Variants in GOLM1 observed in about 807,000 individuals in gnomAD.
GOLM1 encodes the protein golgi membrane protein 1.
A neutral mutation model predicts 50.5 loss-of-function variants in GOLM1; 31 were observed. The ratio of observed to expected loss-of-function variants is 0.61; its 90% confidence interval spans 0.46 to 0.83. GOLM1 has a LOEUF of 0.83. Ranked by LOEUF, GOLM1 falls within the 40% of genes least tolerant of loss-of-function variation. GOLM1 has a pLI of 0.00. For synonymous variants in GOLM1, 178 were observed against 192.8 expected, an observed-to-expected ratio of 0.92 and a Z score of 0.64; for missense variants, 491 against 501.3, an observed-to-expected ratio of 0.98 and a Z score of 0.20.
intron 3 of GOLM1, among the ~76,000 whole-genome samples, chr9:86,066,511 C>T (rs1018598126): frequency 6.6e-6 from 1 of 152,156 alleles, no homozygotes; most frequent in African/African-American, 2.4e-5. Context: ...TCAGTTGCTC[C>T]CCTTCAGGAA....
chr9:86,091,603 G>C (rs1165181048), intron 1 of GOLM1, among the ~76,000 whole-genome samples: 1 of 152,142 alleles, frequency 6.6e-6, no homozygotes, highest in Non-Finnish European at 1.5e-5. Context: ...TTGTCGCCCA[G>C]GCTGGAGTGC....
At chr9:86,082,405 G>T (rs1445192318) in intron 1 of GOLM1, among the ~76,000 whole-genome samples, 1 of 150,456 alleles carries the variant, frequency 6.6e-6, no homozygotes, top group African/African-American at 2.4e-5. Context: ...TTGAGACAGG[G>T]TCTCACTCTG....
At chr9:86,096,171 C>T (rs4612449) in intron 1 of GOLM1, among the ~76,000 whole-genome samples, 63,686 of 148,390 alleles carry the variant, frequency 0.43, 15,568 homozygotes, top group Non-Finnish European at 0.57. Context: ...GATAACTGCT[C>T]GATAGGTTTT....
At chr9:86,031,793 CAAAT>C (rs1381335863) in intron 9 of GOLM1, among the ~76,000 whole-genome samples, 1 of 151,690 alleles carries the variant, frequency 6.6e-6, no homozygotes, top group African/African-American at 2.4e-5. Context: ...TTCCAATTAA[CAAAT>C]AACATAAAAA....
At chr9:86,095,623 T>C (rs1296698578) in intron 1 of GOLM1, among the ~76,000 whole-genome samples, 1 of 152,170 alleles carries the variant, frequency 6.6e-6, no homozygotes, top group Non-Finnish European at 1.5e-5. Context: ...AGGGCTGAGA[T>C]AAATTCTCCA....
At chr9:86,084,001 G>A (rs1834872247) in intron 1 of GOLM1, among the ~76,000 whole-genome samples, 1 of 151,984 alleles carries the variant, frequency 6.6e-6, no homozygotes, top group Non-Finnish European at 1.5e-5. Flanking sequence ...GATCCTCCTG[G>A]GGCTGTCACA....
intron 3 of GOLM1, among the ~76,000 whole-genome samples, chr9:86,065,322 A>T (rs1834277494): frequency 6.6e-6 from 1 of 152,226 alleles, no homozygotes. Flanking sequence ...AGAACAGAAC[A>T]AATACTGAAC....
intron 8 of GOLM1, 44 bp from the exon 9 acceptor site, chr9:86,033,439 T>A (rs904115220): frequency 2.5e-6 from 3 of 1,196,016 alleles, no homozygotes; most frequent in Admixed American, 3.5e-5. Context: ...CATTTCTGTC[T>A]TGATGTCACA....
At chr9:86,043,788 G>A (rs911213645) in intron 5 of GOLM1, among the ~76,000 whole-genome samples, 4 of 152,106 alleles carry the variant, frequency 2.6e-5, no homozygotes, top group African/African-American at 7.2e-5. Context: ...CCATCGCCTC[G>A]GCCCAAGCTT....
intron 3 of GOLM1, among the ~76,000 whole-genome samples, chr9:86,076,991 A>T (rs1303507268): frequency 6.6e-6 from 1 of 152,072 alleles, no homozygotes; most frequent in East Asian, 1.9e-4. Flanking sequence ...CTCTGTTAGT[A>T]TTTAGTAGAG....
chr9:86,033,384 G>T lies in GOLM1; in HGVS notation c.1027C>A (p.Gln343Lys). The change falls in exon 9 of 10, where the codon CAG becomes AAG. Residue 343 changes from glutamine (Q) to lysine (K), a missense_variant. Gln to Lys is a moderately conservative substitution (Grantham distance 53). Transcript: ENST00000388712. Reference sequence around the variant, plus strand: ...TAGTCATCTTCTCCTCTCAGTTTCTGCTGGTTTCTCCCTGTAAAATTAGCA... The same window carrying T: ...TAGTCATCTTCTCCTCTCAGTTTCTTCTGGTTTCTCCCTGTAAAATTAGCA... ...QEAAGEGRNQ[Q>K]KLRGEDDYNM... 1 of 1,602,844 alleles carries T rather than the reference G, an allele frequency of 6.2e-7. No homozygotes were observed. Among genetic ancestry groups the T allele is most frequent in the Non-Finnish European group, 8.5e-7 (1 of 1,169,786 alleles).
In GOLM1 at chr9:86,029,043, G is replaced by T. The variant is rs1029547148; in HGVS notation, c.1130-1150C>A. ...TCTTTTTGTTGTTGTAGTTTTAGTAGAGGCGGGTTTTCACCCTGTTAGCCA... is the reference window on the plus strand; with the variant it reads ...TCTTTTTGTTGTTGTAGTTTTAGTATAGGCGGGTTTTCACCCTGTTAGCCA... On this transcript the variant is annotated intron_variant, in intron 9 of 9. Coordinates refer to ENST00000388712, the MANE Select transcript of GOLM1 (RefSeq NM_016548.4). Among the ~76,000 whole-genome samples the T allele has an allele frequency of 2.0e-5, 3 of 151,974 alleles. No homozygotes were observed. The East Asian group carries it at 5.8e-4, about 30-fold the overall frequency.
intron 1 of GOLM1, among the ~76,000 whole-genome samples, chr9:86,090,078 C>G (rs1835127131): frequency 6.6e-6 from 1 of 152,132 alleles, no homozygotes; most frequent in African/African-American, 2.4e-5. Flanking sequence ...GTGGAGGCAT[C>G]AGAAAAGCAA....
intron 8 of GOLM1, 44 bp from the exon 9 acceptor site, chr9:86,033,439 T>C: frequency 8.4e-7 from 1 of 1,196,018 alleles, no homozygotes; most frequent in Non-Finnish European, 1.2e-6. Flanking sequence ...CATTTCTGTC[T>C]TGATGTCACA....
intron 2 of GOLM1, among the ~76,000 whole-genome samples, 175 bp downstream of exon 2, chr9:86,079,017 T>C (rs557532112): frequency 1.5e-4 from 23 of 152,300 alleles, no homozygotes; most frequent in Non-Finnish European, 2.9e-4. Flanking sequence ...CAAAGCTGCT[T>C]GGGGTCTGGC....
intron 1 of GOLM1, 56 bp downstream of exon 1, chr9:86,099,355 G>A (rs1387976700): frequency 1.3e-5 from 2 of 152,114 alleles, no homozygotes; most frequent in Non-Finnish European, 2.9e-5. Flanking sequence ...GGCAAAGGAG[G>A]GAGGAAGCGA....
At chr9:86,090,700 A>G (rs912442371) in intron 1 of GOLM1, among the ~76,000 whole-genome samples, 4 of 145,920 alleles carry the variant, frequency 2.7e-5, no homozygotes, top group African/African-American at 1.0e-4. Flanking sequence ...CCAATGAGTT[A>G]GACCACTTGG....
chr9:86,078,833 G>A (rs897295605), intron 2 of GOLM1, among the ~76,000 whole-genome samples: 10 of 152,140 alleles, frequency 6.6e-5, no homozygotes, highest in African/African-American at 1.4e-4. Context: ...ACTACTCTTC[G>A]ATATCTTGGG....
chr9:86,078,336 G>A (rs548206629), intron 2 of GOLM1, among the ~76,000 whole-genome samples: 1 of 152,322 alleles, frequency 6.6e-6, no homozygotes, highest in South Asian at 2.1e-4. Context: ...GGGAAATTGT[G>A]CTCAATGCCG....
Sources: gnomAD v4.1 joint callset for allele counts (sites outside exome capture counted in the v4.1 genomes callset) on GRCh38, gnomAD v4.1.1 for gene constraint, MANE v1.5 for transcripts, NCBI Gene and HGNC (gene_info 2026-07-23, HGNC 2026-07-21) for gene names.